Variants in KIF26B observed in about 807,000 individuals in gnomAD.
The protein encoded by KIF26B is kinesin-like protein KIF26B.
Under a neutral mutation model 151.2 loss-of-function variants are expected in KIF26B, and 63 were observed. That is an observed-to-expected ratio of 0.42 (90% confidence interval 0.34 to 0.51). The LOEUF is 0.51. KIF26B is among the 20% of genes least tolerant of loss of function. KIF26B has a pLI of 0.07. For missense variants in KIF26B, 2,813 were observed against 2,913.6 expected (o/e 0.97, Z 0.79); for synonymous variants, 1,357 against 1,262.1 (o/e 1.08, Z -1.59).
At chr1:245,611,438 G>A (rs1393619124) in intron 8 of KIF26B, among the ~76,000 whole-genome samples, 2 of 152,242 alleles carry the variant, frequency 1.3e-5, no homozygotes, top group East Asian at 3.9e-4. Context: ...GTTTTCTTAG[G>A]TAAATGGATA....
intron 3 of KIF26B, chr1:245,370,473 C>A (rs1309125482): frequency 2.7e-6 from 1 of 372,420 alleles, no homozygotes; most frequent in South Asian, 2.0e-5. Flanking sequence ...AAATACAATG[C>A]TCAGGTGAAC....
At chr1:245,381,021 A>G (rs1673397757) in intron 3 of KIF26B, among the ~76,000 whole-genome samples, 2 of 151,908 alleles carry the variant, frequency 1.3e-5, no homozygotes, top group South Asian at 2.1e-4. Flanking sequence ...ACTTTAGCCA[A>G]CCTAAGAAGC....
chr1:245,685,470 G>A lies in KIF26B; in HGVS notation c.2487G>A (p.Gln829=). ...CEEGRMRRPT[Q]LRPFHTRATV... Reference sequence around the variant, plus strand: ...AAGGCCGCATGCGCAGGCCCACCCAGCTGAGACCCTTCCACACCAGGGCCA... The same window carrying A: ...AAGGCCGCATGCGCAGGCCCACCCAACTGAGACCCTTCCACACCAGGGCCA... The change falls in exon 12 of 15, where the codon CAG becomes CAA. Residue 829 remains glutamine (Q), a synonymous_variant. Transcript: ENST00000407071. 1.2e-6 allele frequency: 2 copies of A among 1,613,774 alleles called. No homozygotes were observed. Among genetic ancestry groups the A allele is most frequent in the Non-Finnish European group, 8.5e-7 (1 of 1,179,872 alleles).
chr1:245,349,893 G>A (rs1342383783), intron 2 of KIF26B, among the ~76,000 whole-genome samples: 2 of 152,088 alleles, frequency 1.3e-5, no homozygotes, highest in Non-Finnish European at 2.9e-5. Context: ...TTTGAGAACA[G>A]GCTTTTGTGA....
Position 245,253,800 on chromosome 1 carries a change from C to CTTTTT in KIF26B, c.465+97140_465+97144dup, listed in dbSNP as rs5782330. Among the ~76,000 whole-genome samples, 42 of 72,172 alleles carry CTTTTT rather than the reference C, an allele frequency of 5.8e-4. 3 individuals carry two copies. The highest frequency in any genetic ancestry group is 2.3e-3 in the African/African-American group (37 of 16,384). The allele number at this position is 72,172 out of a possible 152,430, so 47.3% of individuals were successfully genotyped here. ...CCTGTCTATAGACTTTGAAGTCCTG[C>CTTTTT]TTTTTTTTTTTTTTTTTTTTTTTTT... is the stretch of plus-strand genomic sequence containing the variant. On this transcript the variant is annotated intron_variant, in intron 2 of 14. Transcript: ENST00000407071.
chr1:245,645,359 C>T (rs1286185770), intron 9 of KIF26B, among the ~76,000 whole-genome samples: 2 of 152,202 alleles, frequency 1.3e-5, no homozygotes, highest in Non-Finnish European at 2.9e-5. Context: ...ACTTGAGGGA[C>T]CTTCTGCAAA....
chr1:245,365,201 G>A (rs917650094), intron 2 of KIF26B, among the ~76,000 whole-genome samples: 9 of 152,130 alleles, frequency 5.9e-5, no homozygotes, highest in Non-Finnish European at 7.4e-5. Context: ...CCCTGTCATC[G>A]AGGAGGACGC....
rs973695857 is a variant in KIF26B, at chr1:245,606,469, T to C, written c.1558-1182T>C. On this transcript the variant is annotated intron_variant, in intron 6 of 14. Transcript: ENST00000407071. The surrounding 1 kb of genome is among the most constrained non-coding windows in gnomAD (Gnocchi z 4.6). ...AGCAACAGGGCACAGCGAATAATGC[T>C]ATCTTTCTGCTTCTGTGACAAGTCT... Among the ~76,000 whole-genome samples the C allele has an allele frequency of 1.3e-5, 2 of 152,168 alleles. No homozygotes were observed. Among genetic ancestry groups the C allele is most frequent in the Non-Finnish European group, 2.9e-5 (2 of 68,026 alleles).
chr1:245,183,427 C>T (rs1668941371), intron 2 of KIF26B, among the ~76,000 whole-genome samples: 2 of 152,148 alleles, frequency 1.3e-5, no homozygotes, highest in South Asian at 4.1e-4. Context: ...AGTTCTGGTT[C>T]CAACACTTAG....
At position 245,251,251 on chromosome 1, in the gene KIF26B, G is replaced by A. The variant is rs530269462; in HGVS notation, c.465+94568G>A. Among the ~76,000 whole-genome samples the A allele has an allele frequency of 9.1e-4, 139 of 152,276 alleles. 1 individual carries two copies. Among genetic ancestry groups the A allele is most frequent in the Non-Finnish European group, 1.6e-3 (106 of 68,016 alleles). On this transcript the variant is annotated intron_variant, in intron 2 of 14. Transcript: ENST00000407071. ...ATTTGTACAAATATTTAGGCACAGT[G>A]AGTCACTCTTACCAGTTCTAGGAAT... is the stretch of plus-strand genomic sequence containing the variant.
At chr1:245,576,171 G>A (rs753758538) in intron 5 of KIF26B, among the ~76,000 whole-genome samples, 3 of 152,114 alleles carry the variant, frequency 2.0e-5, no homozygotes, top group Non-Finnish European at 4.4e-5. Flanking sequence ...GATCACAAGC[G>A]CAGGTGATCC....
chr1:245,509,574 A>C (rs931206067), intron 4 of KIF26B, among the ~76,000 whole-genome samples: 2 of 152,124 alleles, frequency 1.3e-5, no homozygotes, highest in Non-Finnish European at 2.9e-5. Flanking sequence ...TCATCCATTC[A>C]CTTGCTCAAT....
intron 2 of KIF26B, among the ~76,000 whole-genome samples, chr1:245,199,043 T>A (rs940952781): frequency 3.5e-5 from 5 of 141,254 alleles, no homozygotes; most frequent in Non-Finnish European, 6.1e-5. Context: ...GCATCTAAGT[T>A]CACTTCATTC....
At chr1:245,461,610 C>T (rs990360177) in intron 4 of KIF26B, among the ~76,000 whole-genome samples, 1 of 152,096 alleles carries the variant, frequency 6.6e-6, no homozygotes, top group Non-Finnish European at 1.5e-5. Context: ...TCCAGCTGCA[C>T]CATCCTTCAC....
At chr1:245,533,291 C>T (rs1661414989) in intron 4 of KIF26B, among the ~76,000 whole-genome samples, 1 of 152,158 alleles carries the variant, frequency 6.6e-6, no homozygotes, top group African/African-American at 2.4e-5. Flanking sequence ...CCATCTGCCA[C>T]CCCTGTCCTG....
intron 2 of KIF26B, among the ~76,000 whole-genome samples, chr1:245,308,316 T>G (rs1036925222): frequency 3.9e-5 from 6 of 152,098 alleles, no homozygotes; most frequent in South Asian, 2.1e-4. Flanking sequence ...ATGACAAATA[T>G]GGTGAAATTT....
chr1:245,478,466 C>T (rs1438290906), intron 4 of KIF26B, among the ~76,000 whole-genome samples: 7 of 137,826 alleles, frequency 5.1e-5, no homozygotes, highest in Non-Finnish European at 7.7e-5. Context: ...CTTGCTCTGT[C>T]GCCCAGGCTG....
chr1:245,669,240 C>T (rs551045201), intron 10 of KIF26B, among the ~76,000 whole-genome samples: 16 of 152,176 alleles, frequency 1.1e-4, no homozygotes, highest in Non-Finnish European at 2.2e-4. Context: ...GGGCCACTCT[C>T]ATCGTTAGGC....
At chr1:245,190,555 A>G (rs1341842839) in intron 2 of KIF26B, among the ~76,000 whole-genome samples, 1 of 150,846 alleles carries the variant, frequency 6.6e-6, no homozygotes, top group African/African-American at 2.4e-5. Flanking sequence ...GAGAACACCA[A>G]TTCCTAATTC....
Sources: allele counts gnomAD v4.1 joint callset (sites outside exome capture counted in the v4.1 genomes callset), GRCh38; gene constraint gnomAD v4.1.1; non-coding constraint Gnocchi (gnomAD v3.1); transcripts MANE v1.5; gene names NCBI Gene and HGNC (gene_info 2026-07-23, HGNC 2026-07-21).